ABL2: variants seen among roughly 807,000 people sequenced by gnomAD.
ABL2 encodes ABL proto-oncogene 2, non-receptor tyrosine kinase.
ABL2 carries 49 observed loss-of-function variants against 107.7 expected under a neutral mutation model. The ratio of observed to expected loss-of-function variants is 0.45; its 90% CI spans 0.36 to 0.58. ABL2 has a LOEUF of 0.58. ABL2 is among the 20% of genes least tolerant of loss of function. The pLI, the probability that ABL2 is intolerant of heterozygous loss-of-function variation, is 0.00. For missense variants in ABL2, 1,245 were observed against 1,457.0 expected, an observed-to-expected ratio of 0.85 and a Z score of 2.37; for synonymous variants, 549 against 548.6, an observed-to-expected ratio of 1.00 and a Z score of -0.01.
At chr1:179,143,326 T>A (rs923622453) in intron 1 of ABL2, among the ~76,000 whole-genome samples, 1 of 152,182 alleles carries the variant, frequency 6.6e-6, no homozygotes, top group Non-Finnish European at 1.5e-5. Flanking sequence ...CCAACATATA[T>A]ATGTATAACA....
chr1:179,176,013 G>A lies in ABL2; in HGVS notation c.158-42639C>T, dbSNP rs138161231. Among the ~76,000 whole-genome samples the A allele has an allele frequency of 2.2e-3, 338 of 151,746 alleles. 2 individuals carry two copies. The highest frequency in any genetic ancestry group is 7.5e-3 in the African/African-American group (311 of 41,406). ...TGGGATTACAGGTGTGTGCCACCACGCCCGGCTAATTTTTGTATTTTTAGT... is the reference window on the plus strand; with the variant it reads ...TGGGATTACAGGTGTGTGCCACCACACCCGGCTAATTTTTGTATTTTTAGT... On this transcript the variant is annotated intron_variant, in intron 1 of 11. Transcript: ENST00000502732.
At chr1:179,125,902 G>T (rs1016075463) in intron 4 of ABL2, among the ~76,000 whole-genome samples, 1 of 152,176 alleles carries the variant, frequency 6.6e-6, no homozygotes, top group Admixed American at 6.5e-5. Context: ...TAACATGGTT[G>T]GTGTTCCCAA....
At chr1:179,142,259 ATAT>A (rs1168241895) in intron 1 of ABL2, among the ~76,000 whole-genome samples, 1 of 152,228 alleles carries the variant, frequency 6.6e-6, no homozygotes, top group African/African-American at 2.4e-5. Context: ...TAACAGAAAT[ATAT>A]TATCACAATT....
At chr1:179,211,717 C>T (rs1041669102) in intron 1 of ABL2, among the ~76,000 whole-genome samples, 1 of 150,250 alleles carries the variant, frequency 6.7e-6, no homozygotes, top group Non-Finnish European at 1.5e-5. Context: ...TTCAACACTG[C>T]GAACCCGGGT....
chr1:179,114,330 CCCA>C (rs1654405130), intron 9 of ABL2, among the ~76,000 whole-genome samples: 1 of 151,104 alleles, frequency 6.6e-6, no homozygotes, highest in Admixed American at 6.6e-5. Context: ...ATCACTTGAA[CCCA>C]TGAGGTAGAG....
intron 1 of ABL2, among the ~76,000 whole-genome samples, chr1:179,173,509 C>T (rs966796491): frequency 2.9e-5 from 4 of 136,332 alleles, no homozygotes; most frequent in Admixed American, 7.2e-5. Flanking sequence ...ATTACAGGCA[C>T]GTGCCGCCAC....
intron 1 of ABL2, among the ~76,000 whole-genome samples, chr1:179,166,952 T>C (rs1659423941): frequency 6.6e-6 from 1 of 152,040 alleles, no homozygotes; most frequent in Non-Finnish European, 1.5e-5. Flanking sequence ...ATGCTGTTGG[T>C]GGGAATGTAA....
Position 179,229,289 on chromosome 1 carries a change from G to C in ABL2, c.109C>G (p.Pro37Ala), listed in dbSNP as rs1235370247. 26 of 1,573,040 alleles carry C rather than the reference G, an allele frequency of 1.7e-5. No individual in the cohort carries two copies. Among genetic ancestry groups the C allele is most frequent in the Non-Finnish European group, 2.2e-5 (26 of 1,161,562 alleles). Residue 37 changes from proline to alanine, a missense_variant, in exon 1 of 12, where the codon CCG (proline) becomes GCG (alanine). Pro to Ala is a conservative substitution (Grantham distance 27). Transcript: ENST00000502732. ...CCGGTCTCTGTGGTGCGCCCCGCCG[G>C]GTCCCGCCTGCGGCCGGAGGGCCTG... Reference protein sequence around the residue: ...AARPSGRRRDPAGRTTETGFN... With the variant: ...AARPSGRRRDAAGRTTETGFN...
At chr1:179,208,953 A>G (rs1662124531) in intron 1 of ABL2, among the ~76,000 whole-genome samples, 1 of 152,232 alleles carries the variant, frequency 6.6e-6, no homozygotes, top group Non-Finnish European at 1.5e-5. Context: ...AATACTACCA[A>G]AAGCAAAAAA....
chr1:179,218,242 A>G (rs1662684908), intron 1 of ABL2, among the ~76,000 whole-genome samples: 3 of 152,290 alleles, frequency 2.0e-5, no homozygotes. Flanking sequence ...ACGAACTTTT[A>G]GAGATAAACC....
intron 1 of ABL2, among the ~76,000 whole-genome samples, chr1:179,148,213 A>AT (rs1324705126): frequency 2.0e-5 from 3 of 151,426 alleles, no homozygotes; most frequent in South Asian, 2.1e-4. Context: ...TAATTTTTGT[A>AT]TTTTTTTGTA....
chr1:179,216,658 G>C (rs1378949847), intron 1 of ABL2, among the ~76,000 whole-genome samples: 3 of 151,928 alleles, frequency 2.0e-5, no homozygotes, highest in Non-Finnish European at 2.9e-5. Context: ...TGGGGGAAAA[G>C]GTCTTTATAA....
rs1553233933 is a variant in ABL2, at chr1:179,214,519, C to CATATATATGTAT, written c.157+14721_157+14722insATACATATATAT. Among the ~76,000 whole-genome samples, 10 of 122,134 alleles carry CATATATATGTAT rather than the reference C, an allele frequency of 8.2e-5. No individual in the cohort carries two copies. The Admixed American group carries it at 9.2e-4, about 11-fold the overall frequency. The allele number at this position is 122,134 out of a possible 152,430, so 80.1% of individuals were successfully genotyped here. A position where few individuals can be genotyped will look rare whatever the true frequency, so the allele number is the denominator to read the frequency against. The stretch of plus-strand genomic sequence containing the variant: ...CAATGGAACAACAGTTTTAAAATGA[C>CATATATATGTAT]ATATATATATATATATATATATATA... On this transcript the variant is annotated intron_variant, in intron 1 of 11. Coordinates refer to ENST00000502732, the MANE Select transcript of ABL2 (RefSeq NM_007314.4).
intron 1 of ABL2, among the ~76,000 whole-genome samples, chr1:179,226,984 A>C (rs1476636053): frequency 1.3e-5 from 2 of 152,068 alleles, no homozygotes; most frequent in African/African-American, 4.8e-5. Flanking sequence ...CTCAAAAAAA[A>C]CCCTTGTTTG....
chr1:179,143,724 T>C (rs1348755609), intron 1 of ABL2, among the ~76,000 whole-genome samples: 1 of 152,216 alleles, frequency 6.6e-6, no homozygotes, highest in Non-Finnish European at 1.5e-5. Flanking sequence ...TGAGACGGAG[T>C]CTCGCTCTGT....
chr1:179,180,931 G>A (rs776602165), intron 1 of ABL2, among the ~76,000 whole-genome samples: 9 of 152,122 alleles, frequency 5.9e-5, no homozygotes, highest in African/African-American at 2.2e-4. Flanking sequence ...TGCAAAAAGC[G>A]TGATAATTAT....
rs1244631732 is a variant in ABL2, at chr1:179,197,866, TC to T, written c.157+31374del. 1.2e-4 allele frequency among the ~76,000 whole-genome samples: 8 copies of T among 69,032 alleles called. No homozygotes were observed. The East Asian group carries it at 3.9e-3, about 33-fold the overall frequency. 45.3% of individuals were successfully genotyped at this position (69,032 alleles called of 152,430 possible). On this transcript the variant is annotated intron_variant, in intron 1 of 11. Coordinates refer to ENST00000502732, the MANE Select transcript of ABL2 (RefSeq NM_007314.4). ...CCTGGGTGACAAGAACGAAACTGTCTCAAAAAAAAAAAAAAAATTGTTTTCT... is the reference window on the plus strand; with the variant it reads ...CCTGGGTGACAAGAACGAAACTGTCTAAAAAAAAAAAAAAAATTGTTTTCT...
intron 11 of ABL2, 145 bp from the exon 12 acceptor site, chr1:179,109,586 A>G: frequency 1.5e-6 from 2 of 1,311,248 alleles, no homozygotes; most frequent in South Asian, 1.6e-5. Flanking sequence ...TAAATACATT[A>G]TCATTTCACA....
intron 1 of ABL2, among the ~76,000 whole-genome samples, chr1:179,134,710 GCCTCTCCCTCTC>G (rs145333468): frequency 2.6e-5 from 4 of 151,084 alleles, no homozygotes; most frequent in East Asian, 3.9e-4. Flanking sequence ...TGCAGCCTCA[GCCTCTCCCTCTC>G]CCTCTCCCTC....
Sources: allele counts gnomAD v4.1 joint callset (sites outside exome capture counted in the v4.1 genomes callset), GRCh38; gene constraint gnomAD v4.1.1; transcripts MANE v1.5; gene names NCBI Gene and HGNC (gene_info 2026-07-23, HGNC 2026-07-21).